TG: variants seen among roughly 807,000 people sequenced by gnomAD.
TG encodes the protein thyroid hormones.
A neutral mutation model predicts 324.7 loss-of-function variants in TG; 270 were observed. The observed-to-expected ratio is 0.83, with a 90% CI of 0.75 to 0.92. The LOEUF is 0.92. Among genes scored for constraint, TG ranks in the 40% least tolerant of loss-of-function variants. The pLI, the probability that TG is intolerant of heterozygous loss-of-function variation, is 0.00. For synonymous variants in TG, 1,401 were observed against 1,327.0 expected (o/e 1.06, Z -1.21); for missense variants, 3,591 against 3,456.4 (o/e 1.04, Z -0.98).
intron 27 of TG, among the ~76,000 whole-genome samples, chr8:132,950,464 T>C (rs1825947254): frequency 6.6e-6 from 1 of 152,208 alleles, no homozygotes; most frequent in Non-Finnish European, 1.5e-5. Flanking sequence ...CTCACACCTT[T>C]ATATCCTGCA....
At chr8:132,963,670 AGTGTGTGTGTGTGTGT>A (rs57531255) in intron 29 of TG, among the ~76,000 whole-genome samples, 2 of 145,080 alleles carry the variant, frequency 1.4e-5, no homozygotes, top group African/African-American at 5.1e-5. Flanking sequence ...TGTGGTCTGC[AGTGTGTGTGTGTGTGT>A]GTGTGTGTGT....
At chr8:133,027,762 G>A (rs922217901) in intron 40 of TG, among the ~76,000 whole-genome samples, 1 of 152,226 alleles carries the variant, frequency 6.6e-6, no homozygotes. Context: ...AATTCTAATT[G>A]TGAAATAGGA....
intron 23 of TG, among the ~76,000 whole-genome samples, chr8:132,932,205 C>T (rs1359525879): frequency 1.3e-5 from 2 of 152,128 alleles, no homozygotes; most frequent in Admixed American, 6.5e-5. Flanking sequence ...TCATAAAAGA[C>T]ATTACAGCCA....
chr8:133,093,090 G>C (rs1847823350), intron 41 of TG, among the ~76,000 whole-genome samples: 2 of 150,628 alleles, frequency 1.3e-5, no homozygotes, highest in South Asian at 4.2e-4. Flanking sequence ...GGAGTTTTGA[G>C]CTTGAATATT....
intron 41 of TG, among the ~76,000 whole-genome samples, chr8:133,077,018 G>A (rs747124924): frequency 2.6e-5 from 4 of 152,150 alleles, no homozygotes; most frequent in African/African-American, 4.8e-5. Context: ...AAACTCAATG[G>A]GTTGATGGGA....
chr8:133,066,125 C>T (rs1005471225), intron 41 of TG, among the ~76,000 whole-genome samples: 1 of 152,022 alleles, frequency 6.6e-6, no homozygotes, highest in African/African-American at 2.4e-5. Flanking sequence ...AGATCGAGAC[C>T]ATCCTGGCTG....
chr8:133,130,303 C>T (rs1488043917), intron 45 of TG, among the ~76,000 whole-genome samples: 1 of 152,208 alleles, frequency 6.6e-6, no homozygotes, highest in African/African-American at 2.4e-5. Flanking sequence ...AGTTATACCC[C>T]CGCAAAATGT....
intron 35 of TG, among the ~76,000 whole-genome samples, chr8:133,010,003 A>G (rs1034823829): frequency 6.6e-6 from 1 of 152,192 alleles, no homozygotes; most frequent in Non-Finnish European, 1.5e-5. Flanking sequence ...TGTCAAAGAC[A>G]GGTTTAAGAT....
rs981618579 is a variant in TG at position 132,988,908 on chromosome 8, T to C, written c.6262+5496T>C. ...TGTTTCTCTTAGAGGTGTGTATTAG[T>C]TCATTTTCACGTTGCTCATAAAGAC... On this transcript the variant is annotated intron_variant, in intron 35 of 47. Coordinates refer to ENST00000220616, the MANE Select transcript of TG (RefSeq NM_003235.5). 7.1e-6 allele frequency: 7 copies of C among 985,046 alleles called. No individual in the cohort carries two copies. In the South Asian group the frequency reaches 2.8e-4, roughly 40 times the overall value. The allele number at this position is 985,046 out of a possible 1,614,324, so 61.0% of individuals were successfully genotyped here. A position where few individuals can be genotyped will look rare whatever the true frequency, so the allele number is the denominator to read the frequency against.
rs2069548 is a variant in TG at position 132,887,330 on chromosome 8, G to A, written c.1958G>A (p.Gly653Asp). The A allele has an allele frequency of 0.014, 23,107 of 1,611,286 alleles. 241 individuals carry two copies. Among genetic ancestry groups the A allele is most frequent in the Middle Eastern group, 0.021 (125 of 6,054 alleles). The change falls in exon 9 of 48, where the codon GGT (glycine) becomes GAT (aspartate). Residue 653 changes from glycine (G) to aspartate (D), a missense_variant. Gly to Asp is a moderately conservative substitution (Grantham distance 94, BLOSUM62 -1). Transcript: ENST00000220616. ...GAGCTTCCAGGCTCAAGAGTCAGAG[G>A]TGGACAGCCAAGGTGCCCCACAGAC... ...GKELPGSRVR[G>D]GQPRCPTDCE...
chr8:133,070,890 T>C (rs1025689727), intron 41 of TG, among the ~76,000 whole-genome samples: 1 of 152,226 alleles, frequency 6.6e-6, no homozygotes, highest in African/African-American at 2.4e-5. Context: ...ATAAAATCAC[T>C]GGGATGGGTG....
Position 132,913,077 on chromosome 8 carries a change from G to T in TG, c.4190G>T (p.Gly1397Val), listed in dbSNP as rs1206612680. Residue 1397 changes from glycine (G) to valine (V), a missense_variant, in exon 20 of 48, where the codon GGG (glycine) becomes GTG (valine). By Grantham distance (109) the Gly-to-Val change is moderately radical. Transcript: ENST00000220616. ...ERALVGKDLL[G>V]RFTDLIQSGS... is the part of the protein sequence containing the mutation. ...GCCTTGGTGGGCAAGGATCTCCTTGGGCGCTTCACAGATCTGATCCAGAGT... is the reference window on the plus strand; with the variant it reads ...GCCTTGGTGGGCAAGGATCTCCTTGTGCGCTTCACAGATCTGATCCAGAGT... 6.2e-7 allele frequency: 1 copy of T among 1,614,110 alleles called. No homozygotes were observed. The highest frequency in any genetic ancestry group is 1.1e-5 in the South Asian group (1 of 91,078).
intron 41 of TG, among the ~76,000 whole-genome samples, chr8:133,054,495 C>T (rs1313267755): frequency 4.6e-5 from 7 of 152,100 alleles, no homozygotes; most frequent in Non-Finnish European, 1.5e-5. Context: ...CCAAAATCTG[C>T]CTCATAGGAT....
At chr8:133,094,714 A>G in intron 41 of TG, 1 of 397,030 alleles carries the variant, frequency 2.5e-6, no homozygotes, top group Non-Finnish European at 4.8e-6. Context: ...GGACTTTGCC[A>G]CAATCTCCGA....
chr8:132,989,408 T>G (rs1285957860), intron 35 of TG, among the ~76,000 whole-genome samples: 4 of 152,230 alleles, frequency 2.6e-5, no homozygotes, highest in South Asian at 2.1e-4. Flanking sequence ...GCCATTGACT[T>G]TGAGCCCTTT....
At chr8:133,075,338 G>A (rs1215419164) in intron 41 of TG, among the ~76,000 whole-genome samples, 5 of 152,090 alleles carry the variant, frequency 3.3e-5, no homozygotes, top group African/African-American at 1.2e-4. Context: ...TCTGATTTCG[G>A]TTTCCCAATT....
intron 40 of TG, among the ~76,000 whole-genome samples, chr8:133,025,693 G>T (rs1836005238): frequency 6.6e-6 from 1 of 152,148 alleles, no homozygotes; most frequent in Non-Finnish European, 1.5e-5. Context: ...GGATCATTTT[G>T]TTGCCCTCCA....
chr8:132,945,775 G>A (rs1825178278), intron 26 of TG, among the ~76,000 whole-genome samples: 2 of 152,130 alleles, frequency 1.3e-5, no homozygotes, highest in Non-Finnish European at 1.5e-5. Flanking sequence ...GGATCCTCGC[G>A]AAAGCTAGGG....
intron 10 of TG, among the ~76,000 whole-genome samples, chr8:132,889,967 A>G (rs1238702752): frequency 6.6e-6 from 1 of 152,012 alleles, no homozygotes; most frequent in Non-Finnish European, 1.5e-5. Flanking sequence ...CTTTTAGTAG[A>G]GACGGGGTTT....
Sources: allele counts gnomAD v4.1 joint callset (sites outside exome capture counted in the v4.1 genomes callset), GRCh38; gene constraint gnomAD v4.1.1; transcripts MANE v1.5; gene names NCBI Gene and HGNC (gene_info 2026-07-23, HGNC 2026-07-21).